The following RHOT2 variants were observed in gnomAD, a reference collection of about 807,000 sequenced individuals.
RHOT2 encodes the protein mitochondrial Rho GTPase 2.
In RHOT2, 90 loss-of-function variants were observed where a neutral mutation model predicts 81.6. That is an observed-to-expected ratio of 1.10 (90% CI 0.93 to 1.31). The LOEUF is 1.31. Ranked by LOEUF, RHOT2 falls within the 40% of genes most tolerant of loss-of-function variation. RHOT2 has a pLI of 0.00. For missense variants in RHOT2, 1,014 were observed against 841.9 expected (o/e 1.20, Z -2.53); for synonymous variants, 512 against 370.9 (o/e 1.38, Z -4.37).
rs773207561 is a variant in RHOT2, at chr16:668,444, G to C, written c.96+33G>C. 4 of 1,568,078 alleles carry C rather than the reference G, an allele frequency of 2.6e-6. 1 individual carries two copies. The highest frequency in any genetic ancestry group is 2.3e-5 in the East Asian group (1 of 42,702). On this transcript the variant is annotated intron_variant, in intron 2 of 18. Coordinates refer to ENST00000315082, the MANE Select transcript of RHOT2 (RefSeq NM_138769.3). ...GCACGCCCGCCGCGGGGGTGGGAGC[G>C]GGCCCAGCCGGGGGTCCCTGGTGAG...
In RHOT2 at chr16:670,743, G is replaced by A. The variant is rs1462065938; in HGVS notation, c.609G>A (p.Ala203=). 5.0e-6 allele frequency: 8 copies of A among 1,612,302 alleles called. No homozygotes were observed. Among genetic ancestry groups the A allele is most frequent in the Non-Finnish European group, 6.8e-6 (8 of 1,179,932 alleles). Residue 203 remains alanine (A), a synonymous_variant, in exon 9 of 19, where the codon GCG becomes GCA. Transcript: ENST00000315082. Reference sequence around the variant, plus strand: ...TCTCAGATCAGGACCTGGACCAGGCGCTCAGTGACGAAGAGCTCAACGCTT... The same window carrying A: ...TCTCAGATCAGGACCTGGACCAGGCACTCAGTGACGAAGAGCTCAACGCTT... The part of the protein sequence containing the change: ...FRLSDQDLDQ[A]LSDEELNAFQ...
At position 670,765 on chromosome 16, in the gene RHOT2, G is replaced by A. The variant is rs763383215; in HGVS notation, c.631G>A (p.Ala211Thr). The A allele has an allele frequency of 8.1e-6, 13 of 1,611,858 alleles. No individual in the cohort carries two copies. Among genetic ancestry groups the A allele is most frequent in the African/African-American group, 2.7e-5 (2 of 74,934 alleles). Residue 211 changes from alanine (A) to threonine (T), a missense_variant, in exon 9 of 19, where the codon GCT becomes ACT. Transcript: ENST00000315082. ...DQALSDEELN[A>T]FQKSCFGHPL... ...GGCGCTCAGTGACGAAGAGCTCAAC[G>A]CTTTCCAGGTGTGCCCCTGCCCCAC... is the stretch of plus-strand genomic sequence containing the variant.
At position 671,135 on chromosome 16, in the gene RHOT2, C is replaced by T; in HGVS notation, c.801C>T (p.Thr267=). Residue 267 remains threonine, a synonymous_variant, in exon 11 of 19, where the codon ACC becomes ACT. Coordinates refer to ENST00000315082, the MANE Select transcript of RHOT2 (RefSeq NM_138769.3). ...LFIQRGRHET[T]WTILRRFGYS... is the part of the protein sequence containing the mutation. ...TCCAGCGCGGCCGGCACGAGACCAC[C>T]TGGACCATCCTGCGGCGCTTCGGCT... 2 of 1,605,672 alleles carry T rather than the reference C, an allele frequency of 1.2e-6. No homozygotes were observed.
intron 5 of RHOT2, 53 bp from the exon 6 acceptor site, chr16:670,070 G>A (rs2038656670): frequency 6.7e-7 from 1 of 1,494,788 alleles, no homozygotes; most frequent in African/African-American, 1.4e-5. Flanking sequence ...GCTCCAGCTG[G>A]GAGCCATGTG....
rs766434585 is a variant in RHOT2, at chr16:671,679, G to C, written c.870-18G>C. The C allele has an allele frequency of 4.4e-6, 7 of 1,608,330 alleles. No homozygotes were observed. In the Admixed American group the frequency reaches 1.2e-4, roughly 27 times the overall value. On this transcript the variant is annotated intron_variant, in intron 11 of 18. Coordinates refer to ENST00000315082, the MANE Select transcript of RHOT2 (RefSeq NM_138769.3). Reference sequence around the variant, plus strand: ...GCAGAGTCTCCTGGGAGCTAGACGGGCTGTGGCCTCCCTGCAGGATCCACG... The same window carrying C: ...GCAGAGTCTCCTGGGAGCTAGACGGCCTGTGGCCTCCCTGCAGGATCCACG...
At chr16:671,572 A>G in intron 11 of RHOT2, 125 bp from the exon 12 acceptor site, 1 of 1,076,236 alleles carries the variant, frequency 9.3e-7, no homozygotes, top group Non-Finnish European at 1.4e-6. Flanking sequence ...TCGGGGGCGT[A>G]CAGGAGCCTC....
At position 668,250 on chromosome 16, in the gene RHOT2, CG is replaced by C. The variant is rs1312074603; in HGVS notation, c.37+19del. The C allele has an allele frequency of 3.8e-6, 3 of 783,030 alleles. No homozygotes were observed. Among genetic ancestry groups the C allele is most frequent in the Non-Finnish European group, 3.7e-6 (2 of 545,776 alleles). 48.5% of individuals were successfully genotyped at this position (783,030 alleles called of 1,614,324 possible). On this transcript the variant is annotated intron_variant, in intron 1 of 18. Transcript: ENST00000315082. ...TACTGGGCGAGGGTAGGCGCCGGCCCGGGGGTCTCGGAGCTGCGGCGGCCGT... is the reference window on the plus strand; with the variant it reads ...TACTGGGCGAGGGTAGGCGCCGGCCCGGGGTCTCGGAGCTGCGGCGGCCGT...
In RHOT2 at chr16:673,721, G is replaced by T; in HGVS notation, c.*115G>T. 4 of 1,339,702 alleles carry T rather than the reference G, an allele frequency of 3.0e-6. No homozygotes were observed. The highest frequency in any genetic ancestry group is 4.1e-6 in the Non-Finnish European group (4 of 982,548). The allele number at this position is 1,339,702 out of a possible 1,614,324, so 83.0% of individuals were successfully genotyped here. On this transcript the variant is annotated 3_prime_UTR_variant, in exon 19 of 19. Coordinates refer to ENST00000315082, the MANE Select transcript of RHOT2 (RefSeq NM_138769.3). Reference sequence around the variant, plus strand: ...GCTGCCACTCCGGGAACGCCTTTGCGCCGGGACTTTTTGTTTCTGAAGGCA... The same window carrying T: ...GCTGCCACTCCGGGAACGCCTTTGCTCCGGGACTTTTTGTTTCTGAAGGCA...
intron 11 of RHOT2, chr16:671,460 C>T (rs1053020439): frequency 4.1e-6 from 3 of 725,342 alleles, no homozygotes; most frequent in African/African-American, 3.6e-5. Context: ...CTTGTTTACC[C>T]TGCTGGGGTC....
chr16:668,808 A>G (rs925951882), intron 4 of RHOT2, 109 bp downstream of exon 4: 11 of 1,225,014 alleles, frequency 9.0e-6, no homozygotes, highest in Admixed American at 2.8e-5. Context: ...TGGCCCTGAT[A>G]ATTCTGTGAC....
chr16:670,086 G>A (rs778818844), intron 5 of RHOT2, 37 bp from the exon 6 acceptor site: 12 of 1,530,058 alleles, frequency 7.8e-6, no homozygotes, highest in African/African-American at 2.8e-5. Flanking sequence ...ATGTGCCCGC[G>A]GGCAGCCTCA....
chr16:673,389 G>A (rs2039290001), intron 18 of RHOT2, 91 bp from the exon 19 acceptor site: 3 of 1,574,894 alleles, frequency 1.9e-6, no homozygotes, highest in Non-Finnish European at 2.6e-6. Flanking sequence ...CCGCCTGTGG[G>A]GCCCTGTGAG....
intron 11 of RHOT2, 34 bp from the exon 12 acceptor site, chr16:671,663 C>T (rs1198203333): frequency 5.6e-6 from 9 of 1,599,920 alleles, no homozygotes; most frequent in Non-Finnish European, 7.7e-6. Context: ...TGCAGAGTCT[C>T]CTGGGAGCTA....
At chr16:669,886 G>A (rs569907166) in intron 5 of RHOT2, 155 of 611,176 alleles carry the variant, frequency 2.5e-4, no homozygotes, top group Middle Eastern at 8.8e-4. Flanking sequence ...TGCGTTGGGG[G>A]CGGCCCTAGG....
At chr16:671,267 T>C in intron 11 of RHOT2, 64 bp downstream of exon 11, 1 of 1,501,562 alleles carries the variant, frequency 6.7e-7, no homozygotes, top group Non-Finnish European at 8.9e-7. Context: ...GCCGACTATC[T>C]CTCCCCTCCA....
At chr16:669,530 A>C (rs1415224896) in intron 4 of RHOT2, 23 bp from the exon 5 acceptor site, 7 of 1,610,074 alleles carry the variant, frequency 4.3e-6, no homozygotes, top group Non-Finnish European at 5.1e-6. Flanking sequence ...CCTGTCACCC[A>C]CACCTCATCA....
Position 670,927 on chromosome 16 carries a change from C to A in RHOT2, c.675C>A (p.Ala225=). 6.4e-7 allele frequency: 1 copy of A among 1,569,526 alleles called. No individual in the cohort carries two copies. The highest frequency in any genetic ancestry group is 8.7e-7 in the Non-Finnish European group (1 of 1,154,670). ...SCFGHPLAPQ[A]LEDVKTVVCR... The stretch of plus-strand genomic sequence containing the variant: ...TTGGGCACCCCCTGGCCCCGCAGGC[C>A]CTGGAGGACGTGAAGACGGTGGTGT... The change falls in exon 10 of 19, where the codon GCC becomes GCA. Residue 225 remains alanine, a synonymous_variant. Transcript: ENST00000315082.
intron 4 of RHOT2, chr16:668,958 G>A (rs2151442434): frequency 1.9e-6 from 1 of 531,438 alleles, no homozygotes; most frequent in Non-Finnish European, 3.3e-6. Flanking sequence ...AGCAGCGTTT[G>A]CTCTTCCTGT....
At chr16:668,774 G>C in intron 4 of RHOT2, 75 bp downstream of exon 4, 1 of 1,437,468 alleles carries the variant, frequency 7.0e-7, no homozygotes, top group African/African-American at 1.5e-5. Context: ...CTGGGGGATT[G>C]GACCGAGGTG....
Sources: allele counts gnomAD v4.1 joint callset, GRCh38; gene constraint gnomAD v4.1.1; transcripts MANE v1.5; gene names NCBI Gene and HGNC (gene_info 2026-07-23, HGNC 2026-07-21).